Variants in GPA33 observed in about 807,000 individuals in gnomAD.
The protein encoded by GPA33 is cell surface A33 antigen.
In GPA33, 27 loss-of-function variants were observed where a neutral mutation model predicts 35.6. The ratio of observed to expected loss-of-function variants is 0.76; its 90% CI spans 0.56 to 1.04. The LOEUF (loss-of-function observed/expected upper bound fraction) is 1.04. Among genes scored for constraint, GPA33 ranks in the 50% least tolerant of loss-of-function variants. The pLI is 0.00. For missense variants in GPA33, 428 were observed against 411.9 expected, an observed-to-expected ratio of 1.04 and a Z score of -0.34; for synonymous variants, 176 against 164.0, an observed-to-expected ratio of 1.07 and a Z score of -0.56.
In GPA33 at chr1:167,053,020, A is replaced by G. The variant is rs1210021157; in HGVS notation, c.*1314T>C. The stretch of plus-strand genomic sequence containing the variant: ...AAACTGCAGTTGGGTGAGACCAGCC[A>G]CTGGTCCATGAGACCTAAGCAGCCC... On this transcript the variant is annotated 3_prime_UTR_variant, in exon 7 of 7. Transcript: ENST00000367868. 1 of 152,178 alleles carries G rather than the reference A, an allele frequency of 6.6e-6. No individual in the cohort carries two copies. The highest frequency in any genetic ancestry group is 2.4e-5 in the African/African-American group (1 of 41,446). The allele number at this position is 152,178 out of a possible 1,614,324, so 9.4% of individuals were successfully genotyped here. A position where few individuals can be genotyped will look rare whatever the true frequency, so the allele number is the denominator to read the frequency against.
At chr1:167,069,392 G>A (rs1666671593) in intron 2 of GPA33, among the ~76,000 whole-genome samples, 1 of 152,160 alleles carries the variant, frequency 6.6e-6, no homozygotes, top group Non-Finnish European at 1.5e-5. Flanking sequence ...ACACATGTGG[G>A]TGAATGGGTC....
intron 4 of GPA33, among the ~76,000 whole-genome samples, chr1:167,061,654 G>A (rs1323455548): frequency 7.2e-6 from 1 of 139,370 alleles, no homozygotes; most frequent in Non-Finnish European, 1.5e-5. Flanking sequence ...GCAGGCTGGA[G>A]TGCGGTGGCG....
intron 2 of GPA33, among the ~76,000 whole-genome samples, 183 bp from the exon 3 acceptor site, chr1:167,069,321 T>TA (rs1477275356): frequency 2.2e-4 from 34 of 152,222 alleles, no homozygotes; most frequent in Admixed American, 4.6e-4. Flanking sequence ...TATATATATA[T>TA]TTTTTTAGTT....
chr1:167,084,920 A>G (rs548030571), intron 1 of GPA33, among the ~76,000 whole-genome samples: 10 of 152,364 alleles, frequency 6.6e-5, no homozygotes, highest in African/African-American at 2.4e-4. Context: ...TCTGGCTTTC[A>G]TTCCTGAATG....
At chr1:167,083,964 G>C (rs952480780) in intron 1 of GPA33, among the ~76,000 whole-genome samples, 1 of 152,152 alleles carries the variant, frequency 6.6e-6, no homozygotes, top group African/African-American at 2.4e-5. Context: ...AAGTAGTTGA[G>C]GACAAATCCT....
intron 1 of GPA33, among the ~76,000 whole-genome samples, chr1:167,086,306 G>T (rs1192537521): frequency 6.6e-6 from 1 of 152,250 alleles, no homozygotes; most frequent in Non-Finnish European, 1.5e-5. Flanking sequence ...GCAGATGGTG[G>T]GCGGGCCGCT....
chr1:167,055,093 A>G lies in GPA33; in HGVS notation c.710T>C (p.Leu237Pro). 1.1e-5 allele frequency: 17 copies of G among 1,613,392 alleles called. No homozygotes were observed. The highest frequency in any genetic ancestry group is 1.4e-5 in the Non-Finnish European group (17 of 1,179,990). The change falls in exon 6 of 7, where the codon CTG (leucine) becomes CCG (proline). Residue 237 changes from leucine to proline, a missense_variant. Physicochemically the swap from Leu to Pro is moderately conservative, Grantham distance 98. Transcript: ENST00000367868. ...AVRSPSMNVA[L>P]YVGIAVGVVA... ...CACGCCCACCGCGATGCCCACATAC[A>G]GGGCCACGTTCATGGAGGCTGCAAG...
At position 167,068,884 on chromosome 1, in the gene GPA33, C is replaced by T. The variant is rs72689399; in HGVS notation, c.415+38G>A. On this transcript the variant is annotated intron_variant, in intron 3 of 6. Transcript: ENST00000367868. The stretch of plus-strand genomic sequence containing the variant: ...CTCCCTGTGCTGCCACCTGCCCACC[C>T]TCTTCCTACAACTCCTGAAAGACAT... The T allele has an allele frequency of 0.013, 20,143 of 1,534,286 alleles. 165 individuals are homozygous for T. Among genetic ancestry groups the T allele is most frequent in the Non-Finnish European group, 0.016 (17,223 of 1,110,494 alleles).
chr1:167,058,188 G>C (rs1018054864), intron 4 of GPA33: 2 of 152,132 alleles, frequency 1.3e-5, no homozygotes, highest in African/African-American at 4.8e-5. Flanking sequence ...AACAAAGCGA[G>C]ATTCCATCTC....
chr1:167,077,574 G>T (rs1246455453), intron 1 of GPA33, among the ~76,000 whole-genome samples: 1 of 152,170 alleles, frequency 6.6e-6, no homozygotes, highest in Non-Finnish European at 1.5e-5. Context: ...CCCATGCACA[G>T]TTGGTCCCCA....
intron 1 of GPA33, among the ~76,000 whole-genome samples, chr1:167,086,833 T>G (rs1667057251): frequency 1.3e-5 from 2 of 152,188 alleles, no homozygotes; most frequent in African/African-American, 4.8e-5. Flanking sequence ...TTTTCTCATT[T>G]AACTTAGAAA....
chr1:167,055,818 G>C lies in GPA33; in HGVS notation c.603C>G (p.Ile201Met). Residue 201 changes from isoleucine (I) to methionine (M), a missense_variant, in exon 5 of 7, where the codon ATC becomes ATG. By Grantham distance (10) the Ile-to-Met change is conservative. Transcript: ENST00000367868. Reference sequence around the variant, plus strand: ...TGTAGTAACCCGATGTGTCTGTGGAGATATTCTTCAGGGAGACAGGCTGAC... The same window carrying C: ...TGTAGTAACCCGATGTGTCTGTGGACATATTCTTCAGGGAGACAGGCTGAC... ...ASGQPVSLKN[I>M]STDTSGYYIC... 6.2e-7 allele frequency: 1 copy of C among 1,613,964 alleles called. No homozygotes were observed. The highest frequency in any genetic ancestry group is 8.5e-7 in the Non-Finnish European group (1 of 1,179,840).
chr1:167,080,716 A>G (rs1175930519), intron 1 of GPA33, among the ~76,000 whole-genome samples: 1 of 152,178 alleles, frequency 6.6e-6, no homozygotes, highest in Non-Finnish European at 1.5e-5. Flanking sequence ...CATATCCTTT[A>G]CCCTGGGACA....
At position 167,069,043 on chromosome 1, in the gene GPA33, G is replaced by T. The variant is rs372512579; in HGVS notation, c.294C>A (p.Ser98=). The change falls in exon 3 of 7, where the codon TCC becomes TCA. Residue 98 remains serine, a synonymous_variant. Transcript: ENST00000367868. ...RVSISNNAEQ[S]DASITIDQLT... ...GCTGATCAATGGTGATGGAGGCATC[G>T]GACTGCTCAGCATTGTTGGATATGC... The T allele has an allele frequency of 6.2e-7, 1 of 1,613,602 alleles. No individual in the cohort carries two copies. The highest frequency in any genetic ancestry group is 1.1e-5 in the South Asian group (1 of 91,064).
chr1:167,074,847 C>T (rs1231790662), intron 1 of GPA33, among the ~76,000 whole-genome samples: 3 of 151,110 alleles, frequency 2.0e-5, no homozygotes, highest in African/African-American at 7.3e-5. Context: ...TTGTATTTTG[C>T]TCTGAATGAA....
At chr1:167,090,144 G>T in intron 1 of GPA33, 101 bp downstream of exon 1, 1 of 862,772 alleles carries the variant, frequency 1.2e-6, no homozygotes, top group East Asian at 2.5e-5. Flanking sequence ...TGTGTTGCTG[G>T]AGGCCCTTCC....
chr1:167,055,140 C>A (rs775149743), intron 5 of GPA33, 29 bp from the exon 6 acceptor site: 2 of 1,609,164 alleles, frequency 1.2e-6, no homozygotes, highest in Non-Finnish European at 1.7e-6. Context: ...GCTGCACTTG[C>A]CGAGCTTCTA....
intron 1 of GPA33, among the ~76,000 whole-genome samples, chr1:167,085,176 T>C (rs1667024883): frequency 6.6e-6 from 1 of 151,486 alleles, no homozygotes; most frequent in Admixed American, 6.6e-5. Context: ...GGATGTAGAG[T>C]GACAATAGGA....
intron 4 of GPA33, among the ~76,000 whole-genome samples, chr1:167,063,306 G>A (rs544780971): frequency 1.7e-4 from 26 of 152,308 alleles, no homozygotes; most frequent in African/African-American, 6.3e-4. Flanking sequence ...CTACTTGGGA[G>A]GCTGAGGCAG....
Sources: allele counts gnomAD v4.1 joint callset (sites outside exome capture counted in the v4.1 genomes callset), GRCh38; gene constraint gnomAD v4.1.1; transcripts MANE v1.5; gene names NCBI Gene and HGNC (gene_info 2026-07-23, HGNC 2026-07-21).